Variants in ANKHD1 observed in about 807,000 individuals in gnomAD.
The protein encoded by ANKHD1 is ankyrin repeat and KH domain containing 1, also known as ankyrin repeat and KH domain-containing protein 1.
Under a neutral mutation model 230.5 loss-of-function variants are expected in ANKHD1, and 31 were observed. That is an observed-to-expected ratio of 0.13 (90% confidence interval 0.10 to 0.18). The LOEUF is 0.18. Among genes scored for constraint, ANKHD1 ranks in the 10% least tolerant of loss-of-function variants. The probability of loss-of-function intolerance (pLI) is 1.00; values close to 1 mark genes in which losing one functional copy is unlikely to be tolerated. For synonymous variants in ANKHD1, 1,074 were observed against 1,117.6 expected (o/e 0.96, Z 0.78); for missense variants, 2,256 against 3,071.3 (o/e 0.73, Z 6.27).
chr5:140,467,107 ATGTGTTCT>A (rs1776150082), intron 10 of ANKHD1, among the ~76,000 whole-genome samples: 1 of 152,010 alleles, frequency 6.6e-6, no homozygotes, highest in South Asian at 2.1e-4. Context: ...TTTTTTCACT[ATGTGTTCT>A]TGTGTTCTAT....
At chr5:140,434,495 A>C (rs1314168927) in intron 1 of ANKHD1, among the ~76,000 whole-genome samples, 1 of 150,432 alleles carries the variant, frequency 6.6e-6, no homozygotes, top group East Asian at 1.9e-4. Context: ...TATGTATATG[A>C]TATACATTAC....
chr5:140,511,987 GCACTTTGGGAGGCCGAGTCAGGTGGAT>G (rs574714081), intron 22 of ANKHD1, among the ~76,000 whole-genome samples: 11 of 152,140 alleles, frequency 7.2e-5, no homozygotes, highest in Non-Finnish European at 1.3e-4. Context: ...CATAATCCCA[GCACTTTGGGAGGCCGAGTCAGGTGGAT>G]CACCTGAGGT....
At position 140,440,121 on chromosome 5, in the gene ANKHD1, G is replaced by C. The variant is rs1773746042; in HGVS notation, c.620G>C (p.Arg207Pro). 1 of 1,595,778 alleles carries C rather than the reference G, an allele frequency of 6.3e-7. No homozygotes were observed. Among genetic ancestry groups the C allele is most frequent in the Non-Finnish European group, 8.5e-7 (1 of 1,171,162 alleles). The change falls in exon 4 of 34, where the codon CGC becomes CCC. Residue 207 changes from arginine to proline, a missense_variant and splice_region_variant. Coordinates refer to ENST00000360839, the MANE Select transcript of ANKHD1 (RefSeq NM_017747.3). ...NSHNAGQVDT[R>P]SLAEACSDGD... ...TTGTTGAATGGTTTTGTTTCCAGTC[G>C]CAGTCTAGCAGAAGCTTGTTCAGAT... is the stretch of plus-strand genomic sequence containing the variant.
At chr5:140,461,490 A>G (rs1775701048) in intron 9 of ANKHD1, among the ~76,000 whole-genome samples, 1 of 152,184 alleles carries the variant, frequency 6.6e-6, no homozygotes, top group South Asian at 2.1e-4. Context: ...GGCCTATACA[A>G]TTAAAACAAA....
At chr5:140,460,760 A>G (rs1281658181) in intron 9 of ANKHD1, among the ~76,000 whole-genome samples, 3 of 152,094 alleles carry the variant, frequency 2.0e-5, no homozygotes, top group Non-Finnish European at 4.4e-5. Context: ...GGCTCAAGCA[A>G]TCCTTCTGCC....
At chr5:140,419,796 T>TTCTC (rs1415776705) in intron 1 of ANKHD1, among the ~76,000 whole-genome samples, 1 of 66,318 alleles carries the variant, frequency 1.5e-5, no homozygotes, top group Non-Finnish European at 4.1e-5. Context: ...CTTTCTTTCT[T>TTCTC]TCTTTCTTTC....
At chr5:140,419,695 T>C (rs995788450) in intron 1 of ANKHD1, among the ~76,000 whole-genome samples, 19 of 151,748 alleles carry the variant, frequency 1.3e-4, no homozygotes, top group African/African-American at 4.6e-4. Context: ...CTTGAACTCC[T>C]AAGCTCAAGT....
chr5:140,525,597 G>A (rs1021007838), intron 25 of ANKHD1, among the ~76,000 whole-genome samples: 3 of 152,134 alleles, frequency 2.0e-5, no homozygotes, highest in African/African-American at 7.2e-5. Context: ...TCAGCTGGGC[G>A]CAGTGGCTCA....
At chr5:140,405,246 G>T (rs936332177) in intron 1 of ANKHD1, among the ~76,000 whole-genome samples, 1 of 152,138 alleles carries the variant, frequency 6.6e-6, no homozygotes, top group Non-Finnish European at 1.5e-5. Flanking sequence ...TGGAATGGAA[G>T]TTTCTAGGAT....
chr5:140,457,385 C>T (rs1420354025), intron 7 of ANKHD1, among the ~76,000 whole-genome samples: 1 of 152,186 alleles, frequency 6.6e-6, no homozygotes, highest in Non-Finnish European at 1.5e-5. Flanking sequence ...AATCATGCTG[C>T]TATAAAGACA....
intron 7 of ANKHD1, among the ~76,000 whole-genome samples, chr5:140,451,112 A>G (rs567267909): frequency 6.6e-6 from 1 of 152,136 alleles, no homozygotes; most frequent in South Asian, 2.1e-4. Context: ...AGATCACACC[A>G]CTGCACTCCA....
At chr5:140,536,500 T>C (rs570392256) in intron 30 of ANKHD1, among the ~76,000 whole-genome samples, 5 of 152,350 alleles carry the variant, frequency 3.3e-5, no homozygotes, top group East Asian at 1.9e-4. Context: ...TCAGTGAGTA[T>C]TGGCTTTTTT....
chr5:140,424,084 C>T (rs1373993180), intron 1 of ANKHD1, among the ~76,000 whole-genome samples: 1 of 152,058 alleles, frequency 6.6e-6, no homozygotes, highest in East Asian at 1.9e-4. Context: ...TATCCTTATG[C>T]TCTATTTGCT....
At chr5:140,518,584 T>A (rs1753160377) in intron 24 of ANKHD1, among the ~76,000 whole-genome samples, 2 of 152,064 alleles carry the variant, frequency 1.3e-5, no homozygotes, top group African/African-American at 4.8e-5. Context: ...AAAAAGCTTA[T>A]CCACCATGAT....
Position 140,498,457 on chromosome 5 carries a change from T to C in ANKHD1, c.3004+1179T>C, listed in dbSNP as rs147227593. 3.7e-3 allele frequency among the ~76,000 whole-genome samples: 558 copies of C among 152,326 alleles called. 7 individuals are homozygous for C. Among genetic ancestry groups the C allele is most frequent in the African/African-American group, 0.013 (545 of 41,576 alleles). ...TATTGCCTTTGAGGCTCCTCTGATA[T>C]GTAATAGGTATCATTGTGCAGAGGA... On this transcript the variant is annotated intron_variant, in intron 15 of 33. Coordinates refer to ENST00000360839, the MANE Select transcript of ANKHD1 (RefSeq NM_017747.3).
At position 140,507,418 on chromosome 5, in the gene ANKHD1, A is replaced by T. The variant is rs989739233; in HGVS notation, c.3552-367A>T. Among the ~76,000 whole-genome samples, 1 of 152,158 alleles carries T rather than the reference A, an allele frequency of 6.6e-6. No homozygotes were observed. Among genetic ancestry groups the T allele is most frequent in the Non-Finnish European group, 1.5e-5 (1 of 68,010 alleles). On this transcript the variant is annotated intron_variant, in intron 19 of 33. Coordinates refer to ENST00000360839, the MANE Select transcript of ANKHD1 (RefSeq NM_017747.3). The surrounding 1 kb of genome is among the most constrained non-coding windows in gnomAD (Gnocchi z 4.1). ...TGCCTCCGGGGTTCAAGCGATTCTT[A>T]TGCCTCAGCCTCCCAGGTAGCTGGG...
chr5:140,438,678 C>T, intron 3 of ANKHD1, 61 bp downstream of exon 3: 1 of 1,460,772 alleles, frequency 6.8e-7, no homozygotes, highest in Non-Finnish European at 9.1e-7. Flanking sequence ...GGGGAAGTAG[C>T]CAATTTTGGT....
intron 1 of ANKHD1, among the ~76,000 whole-genome samples, chr5:140,425,033 T>A (rs544168625): frequency 1.3e-5 from 2 of 152,250 alleles, no homozygotes; most frequent in Admixed American, 6.5e-5. Flanking sequence ...AGGTACTTAA[T>A]AGTAGATTTT....
chr5:140,515,307 A>G (rs980086600), intron 24 of ANKHD1, among the ~76,000 whole-genome samples: 1 of 152,162 alleles, frequency 6.6e-6, no homozygotes, highest in African/African-American at 2.4e-5. Flanking sequence ...CCATTTTACC[A>G]AATGACATCA....
Sources: gnomAD v4.1 joint callset for allele counts (sites outside exome capture counted in the v4.1 genomes callset) on GRCh38, gnomAD v4.1.1 for gene constraint, Gnocchi (gnomAD v3.1) non-coding constraint, MANE v1.5 for transcripts, NCBI Gene and HGNC (gene_info 2026-07-23, HGNC 2026-07-21) for gene names.